The following STK32C variants were observed in gnomAD, a reference collection of about 807,000 sequenced individuals.
STK32C encodes serine/threonine kinase 32C.
A neutral mutation model predicts 56.5 loss-of-function variants in STK32C; 31 were observed. The observed-to-expected ratio is 0.55, with a 90% confidence interval of 0.41 to 0.74. The LOEUF is 0.74. Ranked by LOEUF, STK32C falls within the 30% of genes least tolerant of loss-of-function variation. The probability of loss-of-function intolerance (pLI) is 0.00; values close to 1 mark genes in which losing one functional copy is unlikely to be tolerated. For missense variants in STK32C, 544 were observed against 676.9 expected (o/e 0.80, Z 2.18); for synonymous variants, 309 against 289.4 (o/e 1.07, Z -0.69).
At chr10:132,249,812 C>T (rs2063832725) in intron 1 of STK32C, among the ~76,000 whole-genome samples, 1 of 152,232 alleles carries the variant, frequency 6.6e-6, no homozygotes, top group South Asian at 2.1e-4. Context: ...CCATCAGCAA[C>T]CCATGAGGGT....
intron 8 of STK32C, among the ~76,000 whole-genome samples, chr10:132,223,766 C>T (rs559515429): frequency 6.6e-6 from 1 of 152,348 alleles, no homozygotes; most frequent in African/African-American, 2.4e-5. Flanking sequence ...GGCACACTCA[C>T]TCCCCTCCCT....
intron 2 of STK32C, among the ~76,000 whole-genome samples, chr10:132,234,289 T>A (rs1202985015): frequency 6.6e-6 from 1 of 152,190 alleles, no homozygotes; most frequent in Admixed American, 6.5e-5. Context: ...CCGCTGTTTC[T>A]CCCTTGTGTC....
chr10:132,307,990 G>T, upstream of STK32C: 21 of 990,120 alleles, frequency 2.1e-5, no homozygotes, highest in Non-Finnish European at 2.5e-5. This position sits in a 1 kb window ranked among gnomAD's most constrained non-coding sequence, Gnocchi z 4.4. Flanking sequence ...AGCGCTGGGG[G>T]CGGGGCAGGG....
downstream of STK32C, among the ~76,000 whole-genome samples, chr10:132,321,109 G>T (rs2066398406): frequency 6.6e-6 from 1 of 152,192 alleles, no homozygotes; most frequent in Non-Finnish European, 1.5e-5. Flanking sequence ...AGGCCTGACT[G>T]GTCAAAGGGA....
rs534170824 is a variant in STK32C at position 132,255,448 on chromosome 10, A to G, written c.263-9493T>C. Among the ~76,000 whole-genome samples the G allele has an allele frequency of 1.3e-5, 2 of 152,258 alleles. No homozygotes were observed. Among genetic ancestry groups the G allele is most frequent in the African/African-American group, 4.8e-5 (2 of 41,552 alleles). ...CACCCTCTTGCCATGGCCTGCGGGA[A>G]CAAAGACCCACCACGCTGACGGGCA... On this transcript the variant is annotated intron_variant, in intron 1 of 11. Transcript: ENST00000298630. This position sits in a 1 kb window ranked among gnomAD's most constrained non-coding sequence, Gnocchi z 4.6.
chr10:132,316,841 G>A (rs1183724190), intron 1 of STK32C, among the ~76,000 whole-genome samples: 1 of 151,982 alleles, frequency 6.6e-6, no homozygotes, highest in African/African-American at 2.4e-5. Flanking sequence ...GGATCACAAG[G>A]TCAAGAGATT....
intron 2 of STK32C, among the ~76,000 whole-genome samples, chr10:132,237,736 C>T (rs1157967318): frequency 6.6e-6 from 1 of 152,106 alleles, no homozygotes; most frequent in South Asian, 2.1e-4. Flanking sequence ...GCGGGGCTGG[C>T]CCGGTGTGGC....
chr10:132,234,261 G>C (rs997909209), intron 2 of STK32C, among the ~76,000 whole-genome samples: 5 of 152,140 alleles, frequency 3.3e-5, no homozygotes, highest in Non-Finnish European at 1.5e-5. Flanking sequence ...CTTGACAGCC[G>C]CTTCCAAGGG....
chr10:132,253,361 G>A (rs1024006577), intron 1 of STK32C, among the ~76,000 whole-genome samples: 3 of 151,612 alleles, frequency 2.0e-5, no homozygotes, highest in African/African-American at 7.3e-5. Context: ...GAGCTGGAGA[G>A]AGTCAAGGGA....
intron 10 of STK32C, among the ~76,000 whole-genome samples, chr10:132,218,289 A>G (rs2062530861): frequency 6.6e-6 from 1 of 152,152 alleles, no homozygotes. Context: ...ACTGCACTCC[A>G]GTTTTGGTAA....
intron 1 of STK32C, among the ~76,000 whole-genome samples, chr10:132,248,474 A>G (rs972612970): frequency 6.6e-6 from 1 of 152,234 alleles, no homozygotes; most frequent in African/African-American, 2.4e-5. Context: ...TCTGGGTCCA[A>G]GGACCCTCTG....
chr10:132,238,857 GCA>G lies in STK32C; in HGVS notation c.318+7041_318+7042del, dbSNP rs368877265. On this transcript the variant is annotated intron_variant, in intron 2 of 11. Transcript: ENST00000298630. ...ACACACGCAACACACAGACATGCAG[GCA>G]CACACACGTTCATGTACACAGGTAT... Among the ~76,000 whole-genome samples, 1,143 of 152,134 alleles carry G rather than the reference GCA, an allele frequency of 7.5e-3. 19 individuals are homozygous for G. In the South Asian group the frequency reaches 0.083, roughly 11 times the overall value.
At chr10:132,248,910 G>GCACAAGTTCC (rs1038352211) in intron 1 of STK32C, 9 of 455,380 alleles carry the variant, frequency 2.0e-5, no homozygotes, top group African/African-American at 1.8e-4. Context: ...TAGAGAATAA[G>GCACAAGTTCC]CACAAGTTCC....
chr10:132,308,007 CTTCTGGA>C (rs2066136390), upstream of STK32C: 5 of 332,902 alleles, frequency 1.5e-5, no homozygotes, highest in Non-Finnish European at 1.5e-5. Context: ...AGGGGCGGGG[CTTCTGGA>C]AGGGGCGGGG....
At chr10:132,290,843 G>A (rs978486342) in intron 1 of STK32C, among the ~76,000 whole-genome samples, 7 of 151,890 alleles carry the variant, frequency 4.6e-5, no homozygotes, top group African/African-American at 1.7e-4. Context: ...ACCCAACCAG[G>A]GCCACCACAC....
chr10:132,277,024 T>C (rs1332802010), intron 1 of STK32C, among the ~76,000 whole-genome samples: 5 of 152,230 alleles, frequency 3.3e-5, no homozygotes, highest in Non-Finnish European at 7.3e-5. Context: ...GGGAAAGGGA[T>C]GTGCTTATTT....
At chr10:132,316,328 T>C (rs1277542006) in intron 1 of STK32C, among the ~76,000 whole-genome samples, 1 of 152,052 alleles carries the variant, frequency 6.6e-6, no homozygotes, top group Non-Finnish European at 1.5e-5. Context: ...GTTAAAAAAA[T>C]AAGGCCAGGC....
At chr10:132,221,204 GCA>G (rs1274482892) in intron 10 of STK32C, among the ~76,000 whole-genome samples, 4 of 148,124 alleles carry the variant, frequency 2.7e-5, no homozygotes, top group Non-Finnish European at 6.0e-5. Flanking sequence ...GGCTGTCCCG[GCA>G]CACACACCTG....
rs1172570221 is a variant in STK32C at position 132,327,925 on chromosome 10, G to A, written c.301+3511C>T. ...AGAAAGAGGGAAAGGTGCTTGGGAG[G>A]GCTGTCCCTGAAGAGTGAGGGGGCA... On this transcript the variant is annotated intron_variant, in intron 1 of 1. Transcript: ENST00000368619. Among the ~76,000 whole-genome samples, 3 of 152,252 alleles carry A rather than the reference G, an allele frequency of 2.0e-5. No individual in the cohort carries two copies. The South Asian group carries it at 6.2e-4, about 32-fold the overall frequency.
Sources: gnomAD v4.1 joint callset for allele counts (sites outside exome capture counted in the v4.1 genomes callset) on GRCh38, gnomAD v4.1.1 for gene constraint, Gnocchi (gnomAD v3.1) non-coding constraint, MANE v1.5 for transcripts, NCBI Gene and HGNC (gene_info 2026-07-23, HGNC 2026-07-21) for gene names.